The following GRAMD1B variants were observed in gnomAD, a reference collection of about 807,000 sequenced individuals.
The protein encoded by GRAMD1B is protein Aster-B.
Under a neutral mutation model 99.7 loss-of-function variants are expected in GRAMD1B, and 37 were observed. That is an observed-to-expected ratio of 0.37 (90% CI 0.29 to 0.49). GRAMD1B has a LOEUF of 0.49. Among genes scored for constraint, GRAMD1B ranks in the 20% least tolerant of loss-of-function variants. GRAMD1B has a pLI of 0.98. For missense variants in GRAMD1B, 888 were observed against 1,009.2 expected (o/e 0.88, Z 1.63); for synonymous variants, 427 against 387.6 (o/e 1.10, Z -1.19).
intron 1 of GRAMD1B, among the ~76,000 whole-genome samples, chr11:123,394,481 A>C (rs76878758): frequency 0.022 from 3,338 of 152,150 alleles, 110 homozygotes; most frequent in African/African-American, 0.075. Context: ...CTCCCAACAC[A>C]TTGTGATGCT....
At chr11:123,427,151 T>G (rs1268515414), upstream of GRAMD1B, among the ~76,000 whole-genome samples, 7 of 152,114 alleles carry the variant, frequency 4.6e-5, no homozygotes, top group African/African-American at 1.4e-4. Context: ...GTGGGGAGAC[T>G]TGGGGAGCAA....
Position 123,430,504 on chromosome 11 carries a change from A to G in GRAMD1B, c.-289A>G, listed in dbSNP as rs954282452. On this transcript the variant is annotated 5_prime_UTR_variant, in exon 1 of 20. Transcript: ENST00000635736. ...CAAGCGGGCGCGCGAGGGGAGCCCC[A>G]GGAGGGCTGCCGAGTGGCTGGCAGG... The G allele has an allele frequency of 2.6e-5, 11 of 415,828 alleles. No homozygotes were observed. Among genetic ancestry groups the G allele is most frequent in the Admixed American group, 4.6e-5 (1 of 21,720 alleles). 25.8% of individuals were successfully genotyped at this position (415,828 alleles called of 1,614,324 possible).
chr11:123,622,110 T>C (rs1189416479), intron 19 of GRAMD1B, among the ~76,000 whole-genome samples: 4 of 151,944 alleles, frequency 2.6e-5, no homozygotes, highest in African/African-American at 9.7e-5. Context: ...AGTTGCAAAC[T>C]CCCGGGTTCA....
chr11:123,599,548 C>T (rs745480199), intron 7 of GRAMD1B: 19 of 477,844 alleles, frequency 4.0e-5, no homozygotes, highest in Non-Finnish European at 6.4e-5. Flanking sequence ...TCTTGGCTCA[C>T]TACAACCTCT....
chr11:123,606,349 G>A (rs1006292530), intron 10 of GRAMD1B, among the ~76,000 whole-genome samples: 2 of 152,266 alleles, frequency 1.3e-5, no homozygotes, highest in African/African-American at 4.8e-5. Context: ...GCCTGGGCCT[G>A]TGGGGACCAG....
intron 1 of GRAMD1B, among the ~76,000 whole-genome samples, chr11:123,467,617 T>C (rs1950755510): frequency 6.6e-6 from 1 of 152,018 alleles, no homozygotes; most frequent in Non-Finnish European, 1.5e-5. Flanking sequence ...GGCTTCTTTA[T>C]GGGGAAGGTC....
chr11:123,578,458 T>A (rs1456494526), intron 3 of GRAMD1B: 1 of 1,493,136 alleles, frequency 6.7e-7, no homozygotes, highest in South Asian at 1.2e-5. Context: ...TCTGTCCTTT[T>A]ATCTCCCCTC....
At chr11:123,481,180 C>G (rs1951579964) in intron 2 of GRAMD1B, among the ~76,000 whole-genome samples, 1 of 152,100 alleles carries the variant, frequency 6.6e-6, no homozygotes. Flanking sequence ...CTGAGCAGGG[C>G]TTGGTGGCTC....
At chr11:123,414,163 G>A (rs1799258727) in intron 1 of GRAMD1B, among the ~76,000 whole-genome samples, 1 of 151,864 alleles carries the variant, frequency 6.6e-6, no homozygotes, top group Non-Finnish European at 1.5e-5. Flanking sequence ...TCCTGCCTCA[G>A]CTTCCTGAGT....
intron 2 of GRAMD1B, among the ~76,000 whole-genome samples, chr11:123,545,348 G>A (rs1290813): frequency 0.28 from 42,566 of 152,046 alleles, 7,734 homozygotes; most frequent in African/African-American, 0.51. Context: ...TCTGGGCCCC[G>A]GGAATCCGAT....
At chr11:123,580,861 A>G (rs1258063535) in intron 3 of GRAMD1B, among the ~76,000 whole-genome samples, 1 of 149,050 alleles carries the variant, frequency 6.7e-6, no homozygotes, top group African/African-American at 2.5e-5. Context: ...CGGTGCGGGC[A>G]TCGCGCTGGC....
chr11:123,388,886 G>A (rs972207253), intron 1 of GRAMD1B, among the ~76,000 whole-genome samples: 2 of 152,158 alleles, frequency 1.3e-5, no homozygotes, highest in African/African-American at 4.8e-5. Flanking sequence ...ATGTTTAAAA[G>A]CTATCCAGGT....
Position 123,566,354 on chromosome 11 carries a change from C to T in GRAMD1B, c.453-11013C>T, listed in dbSNP as rs919603629. ...GATGTCATATTTTAGTTTTCATGGACCCAAGAGCTAGAAAAAGGACTTAAA... is the reference window on the plus strand; with the variant it reads ...GATGTCATATTTTAGTTTTCATGGATCCAAGAGCTAGAAAAAGGACTTAAA... On this transcript the variant is annotated intron_variant, in intron 2 of 19. Coordinates refer to ENST00000635736, the MANE Select transcript of GRAMD1B (RefSeq NM_001387025.1). Among the ~76,000 whole-genome samples, 3 of 152,146 alleles carry T rather than the reference C, an allele frequency of 2.0e-5. No homozygotes were observed. The East Asian group carries it at 5.8e-4, about 29-fold the overall frequency.
chr11:123,450,921 T>C (rs1949859821), intron 1 of GRAMD1B, among the ~76,000 whole-genome samples: 1 of 152,146 alleles, frequency 6.6e-6, no homozygotes, highest in Non-Finnish European at 1.5e-5. Context: ...TGGCCCTTTA[T>C]TATCCAGTGT....
chr11:123,526,610 G>T (rs990814952), intron 2 of GRAMD1B, among the ~76,000 whole-genome samples: 2 of 152,122 alleles, frequency 1.3e-5, no homozygotes, highest in East Asian at 3.9e-4. Flanking sequence ...TGTGCGGGGG[G>T]CCTTTCTCAC....
chr11:123,462,895 A>AT (rs1565519501), intron 1 of GRAMD1B, among the ~76,000 whole-genome samples: 15 of 106,586 alleles, frequency 1.4e-4, no homozygotes, highest in African/African-American at 5.4e-4. Context: ...ATAAATTAAA[A>AT]AAAAAAAAAA....
chr11:123,385,876 T>C (rs1253111841), intron 1 of GRAMD1B, among the ~76,000 whole-genome samples: 2 of 152,184 alleles, frequency 1.3e-5, no homozygotes, highest in Non-Finnish European at 2.9e-5. Flanking sequence ...TGTGTGTGTG[T>C]AATGATGCTT....
At chr11:123,394,117 G>C (rs1947374331) in intron 1 of GRAMD1B, among the ~76,000 whole-genome samples, 1 of 152,132 alleles carries the variant, frequency 6.6e-6, no homozygotes, top group Admixed American at 6.5e-5. Flanking sequence ...GAGCAATTTT[G>C]AGAATGAAAT....
intron 3 of GRAMD1B, among the ~76,000 whole-genome samples, chr11:123,578,676 C>T (rs1949006597): frequency 6.6e-6 from 1 of 152,178 alleles, no homozygotes. Flanking sequence ...CCCATGTCTG[C>T]CTGCTCCCTG....
Sources: gnomAD v4.1 joint callset for allele counts (sites outside exome capture counted in the v4.1 genomes callset) on GRCh38, gnomAD v4.1.1 for gene constraint, MANE v1.5 for transcripts, NCBI Gene and HGNC (gene_info 2026-07-23, HGNC 2026-07-21) for gene names.